The following JAKMIP2 variants were observed in gnomAD, a reference collection of about 807,000 sequenced individuals.
JAKMIP2 encodes the protein janus kinase and microtubule-interacting protein 2.
A neutral mutation model predicts 115.0 loss-of-function variants in JAKMIP2; 25 were observed. That is an observed-to-expected ratio of 0.22 (90% CI 0.16 to 0.30). JAKMIP2 has a LOEUF of 0.30. Ranked by LOEUF, JAKMIP2 falls within the 10% of genes least tolerant of loss-of-function variation. The probability of loss-of-function intolerance (pLI) is 1.00; values close to 1 mark genes in which losing one functional copy is unlikely to be tolerated. For synonymous variants in JAKMIP2, 334 were observed against 343.6 expected, an observed-to-expected ratio of 0.97 and a Z score of 0.31; for missense variants, 642 against 957.6, an observed-to-expected ratio of 0.67 and a Z score of 4.35.
chr5:147,760,445 C>T (rs1754893606), intron 1 of JAKMIP2, among the ~76,000 whole-genome samples: 1 of 148,758 alleles, frequency 6.7e-6, no homozygotes, highest in Non-Finnish European at 1.5e-5. Flanking sequence ...GTTATCAAAA[C>T]CATGAAGGGA....
intron 1 of JAKMIP2, among the ~76,000 whole-genome samples, chr5:147,691,772 G>A (rs935800404): frequency 3.3e-5 from 5 of 152,180 alleles, no homozygotes; most frequent in African/African-American, 4.8e-5. Flanking sequence ...GAGCAAAGGC[G>A]ATGTGATGTC....
chr5:147,606,910 T>C (rs1305767766), intron 20 of JAKMIP2, among the ~76,000 whole-genome samples: 1 of 152,198 alleles, frequency 6.6e-6, no homozygotes, highest in Non-Finnish European at 1.5e-5. Context: ...GTAAGTTGTA[T>C]TCCTAGGTAT....
chr5:147,681,133 A>G (rs1474478192), intron 1 of JAKMIP2, among the ~76,000 whole-genome samples: 1 of 152,212 alleles, frequency 6.6e-6, no homozygotes, highest in Non-Finnish European at 1.5e-5. Flanking sequence ...CTCATGATAA[A>G]TAAATAATTT....
At chr5:147,645,937 A>G (rs933772082) in intron 5 of JAKMIP2, among the ~76,000 whole-genome samples, 1 of 152,140 alleles carries the variant, frequency 6.6e-6, no homozygotes, top group African/African-American at 2.4e-5. Context: ...TCCTTTTTGT[A>G]TATTTCATGA....
intron 19 of JAKMIP2, 69 bp from the exon 20 acceptor site, chr5:147,612,440 A>G: frequency 1.1e-6 from 1 of 906,512 alleles, no homozygotes; most frequent in South Asian, 1.5e-5. Context: ...TAATTTACCA[A>G]ATGAAAACAC....
chr5:147,634,848 C>T lies in JAKMIP2; in HGVS notation c.1677+1374G>A, dbSNP rs566659403. Among the ~76,000 whole-genome samples the T allele has an allele frequency of 4.6e-5, 7 of 152,266 alleles. No homozygotes were observed. In the East Asian group the frequency reaches 1.2e-3, roughly 25 times the overall value. On this transcript the variant is annotated intron_variant, in intron 12 of 21. Coordinates refer to ENST00000616793, the MANE Select transcript of JAKMIP2 (RefSeq NM_001270941.2). ...TCTTTTTCCTCCTTCTCATGCTTAC[C>T]AGCCAGGATGTTGTGGTTAATTTTT...
chr5:147,635,507 T>C (rs1423779116), intron 12 of JAKMIP2, among the ~76,000 whole-genome samples: 1 of 152,220 alleles, frequency 6.6e-6, no homozygotes, highest in Non-Finnish European at 1.5e-5. Context: ...AGTCATACTC[T>C]GTCACTTCTT....
intron 17 of JAKMIP2, among the ~76,000 whole-genome samples, chr5:147,621,920 T>G (rs1335780593): frequency 1.3e-5 from 2 of 152,124 alleles, no homozygotes; most frequent in South Asian, 2.1e-4. Context: ...CAGGCTGGAG[T>G]GCAATGGCGC....
At chr5:147,765,041 A>AGAG (rs1491266832) in intron 1 of JAKMIP2, among the ~76,000 whole-genome samples, 2 of 146,404 alleles carry the variant, frequency 1.4e-5, no homozygotes, top group East Asian at 2.0e-4. Context: ...AGAAAGAAAG[A>AGAG]AAGAGAGAAG....
chr5:147,695,690 C>G (rs57587477), intron 1 of JAKMIP2, among the ~76,000 whole-genome samples: 1,849 of 109,838 alleles, frequency 0.017, 26 homozygotes, highest in African/African-American at 0.059. Context: ...GAGAGAGAGA[C>G]AGAGACAGAG....
chr5:147,776,972 C>T (rs1301118213), intron 1 of JAKMIP2, among the ~76,000 whole-genome samples: 2 of 152,030 alleles, frequency 1.3e-5, no homozygotes, highest in East Asian at 1.9e-4. Context: ...AATAAAACTA[C>T]ACGACATACC....
At chr5:147,776,760 T>G (rs1235044415) in intron 1 of JAKMIP2, among the ~76,000 whole-genome samples, 1 of 152,008 alleles carries the variant, frequency 6.6e-6, no homozygotes, top group Non-Finnish European at 1.5e-5. Flanking sequence ...AAACCTCGTC[T>G]CTACTAAAAA....
At chr5:147,675,157 A>G (rs1367621090) in intron 1 of JAKMIP2, among the ~76,000 whole-genome samples, 1 of 152,228 alleles carries the variant, frequency 6.6e-6, no homozygotes, top group African/African-American at 2.4e-5. Context: ...TCTACTTCAA[A>G]ATATAATATT....
At chr5:147,751,909 T>G (rs767889123) in intron 1 of JAKMIP2, among the ~76,000 whole-genome samples, 8 of 152,046 alleles carry the variant, frequency 5.3e-5, no homozygotes, top group Non-Finnish European at 8.8e-5. Context: ...CAAAAAGTAT[T>G]TTTGAGGATC....
At chr5:147,779,157 G>A (rs1755667525) in intron 1 of JAKMIP2, among the ~76,000 whole-genome samples, 1 of 152,094 alleles carries the variant, frequency 6.6e-6, no homozygotes, top group Non-Finnish European at 1.5e-5. Flanking sequence ...AAGTCATCCT[G>A]AAGCGGACTT....
At chr5:147,720,497 A>G in intron 1 of JAKMIP2, among the ~76,000 whole-genome samples, 2 of 146,284 alleles carry the variant, frequency 1.4e-5, no homozygotes, top group African/African-American at 5.1e-5. Flanking sequence ...AATCAGACGT[A>G]GATTTGGTCT....
chr5:147,607,703 A>G (rs978337388), intron 20 of JAKMIP2, among the ~76,000 whole-genome samples: 1 of 152,150 alleles, frequency 6.6e-6, no homozygotes, highest in Non-Finnish European at 1.5e-5. Flanking sequence ...TGAGTTAGGG[A>G]GAAGTCCCTT....
At chr5:147,763,374 T>C (rs893668974) in intron 1 of JAKMIP2, among the ~76,000 whole-genome samples, 13 of 152,100 alleles carry the variant, frequency 8.5e-5, no homozygotes, top group African/African-American at 2.9e-4. Flanking sequence ...TCTGGTTCAT[T>C]TGGGGGCAGC....
chr5:147,585,604 G>T lies in JAKMIP2; in HGVS notation c.*6103C>A, dbSNP rs1193804409. The T allele has an allele frequency of 6.6e-6, 1 of 152,062 alleles. No homozygotes were observed. Among genetic ancestry groups the T allele is most frequent in the Non-Finnish European group, 1.5e-5 (1 of 68,016 alleles). The allele number at this position is 152,062 out of a possible 1,614,324, so 9.4% of individuals were successfully genotyped here. On this transcript the variant is annotated 3_prime_UTR_variant, in exon 22 of 22. Transcript: ENST00000616793. Reference sequence around the variant, plus strand: ...TACATACAGTACATGTACATATTCGGTGTACTTCAGAGGATCATTCTGGTG... The same window carrying T: ...TACATACAGTACATGTACATATTCGTTGTACTTCAGAGGATCATTCTGGTG...
Sources: allele counts gnomAD v4.1 joint callset (sites outside exome capture counted in the v4.1 genomes callset), GRCh38; gene constraint gnomAD v4.1.1; transcripts MANE v1.5; gene names NCBI Gene and HGNC (gene_info 2026-07-23, HGNC 2026-07-21).